NAA15: variants seen among roughly 807,000 people sequenced by gnomAD.
The protein encoded by NAA15 is N-alpha-acetyltransferase 15, NatA auxiliary subunit, also known as N-terminal acetyltransferase.
Under a neutral mutation model 114.0 loss-of-function variants are expected in NAA15, and 34 were observed. That is an observed-to-expected ratio of 0.30 (90% CI 0.23 to 0.40). The LOEUF is 0.40. NAA15 is among the 10% of genes least tolerant of loss of function. The pLI, the probability that NAA15 is intolerant of heterozygous loss-of-function variation, is 1.00. For synonymous variants in NAA15, 340 were observed against 338.0 expected (o/e 1.01, Z -0.06); for missense variants, 658 against 1,004.5 (o/e 0.66, Z 4.66).
At chr4:139,339,160 A>T (rs1747297336) in intron 3 of NAA15, among the ~76,000 whole-genome samples, 1 of 152,156 alleles carries the variant, frequency 6.6e-6, no homozygotes, top group Non-Finnish European at 1.5e-5. Context: ...AAGTTTCTGG[A>T]AAGGGAAGTG....
At chr4:139,376,252 C>T (rs912624906) in intron 15 of NAA15, 113 bp from the exon 16 acceptor site, 1 of 645,588 alleles carries the variant, frequency 1.5e-6, no homozygotes, top group Non-Finnish European at 2.6e-6. Flanking sequence ...CAGTGTTTTT[C>T]TGGGTGACTG....
chr4:139,306,510 C>T (rs1227919552), intron 1 of NAA15, among the ~76,000 whole-genome samples: 1 of 151,916 alleles, frequency 6.6e-6, no homozygotes, highest in African/African-American at 2.4e-5. Flanking sequence ...GCTGGGATTA[C>T]AGGCATGAGC....
In NAA15 at chr4:139,384,745, A is replaced by ATT. The variant is rs532619621; in HGVS notation, c.2156-87_2156-86insTT. On this transcript the variant is annotated intron_variant, in intron 17 of 19. Coordinates refer to ENST00000296543, the MANE Select transcript of NAA15 (RefSeq NM_057175.5). ...ACTCCAGCCTGGGTGATAGAGCAAG[A>ATT]CCCTGTCTCAAACACAAACAAAAAT... 317 of 883,276 alleles carry ATT rather than the reference A, an allele frequency of 3.6e-4. 4 individuals carry two copies. The South Asian group carries it at 7.3e-3, about 20-fold the overall frequency. The allele number at this position is 883,276 out of a possible 1,614,324, so 54.7% of individuals were successfully genotyped here.
chr4:139,315,085 C>T lies in NAA15; in HGVS notation c.54+13254C>T, dbSNP rs1376886388. ...GTTTAGTTTAGTTTAGTTTTTGAGA[C>T]GGAGTCTCGCTCTTTCACCCAGGCT... On this transcript the variant is annotated intron_variant, in intron 1 of 19. Transcript: ENST00000296543. Among the ~76,000 whole-genome samples the T allele has an allele frequency of 3.7e-4, 33 of 88,106 alleles. 1 individual carries two copies. The highest frequency in any genetic ancestry group is 1.2e-3 in the African/African-American group (22 of 18,604). 57.8% of individuals were successfully genotyped at this position (88,106 alleles called of 152,430 possible). A position where few individuals can be genotyped will look rare whatever the true frequency, so the allele number is the denominator to read the frequency against.
At chr4:139,361,628 T>C (rs1748133817) in intron 13 of NAA15, 96 bp from the exon 14 acceptor site, 2 of 739,562 alleles carry the variant, frequency 2.7e-6, no homozygotes, top group African/African-American at 1.8e-5. Flanking sequence ...CTAGTTTTTT[T>C]CATGCCAAAG....
chr4:139,322,139 C>T (rs1482176912), intron 1 of NAA15, among the ~76,000 whole-genome samples: 3 of 151,922 alleles, frequency 2.0e-5, no homozygotes, highest in Non-Finnish European at 4.4e-5. Flanking sequence ...TGGCTGTGTC[C>T]CCACCCAAAT....
intron 1 of NAA15, among the ~76,000 whole-genome samples, chr4:139,307,106 G>A (rs1255326662): frequency 6.6e-6 from 1 of 152,190 alleles, no homozygotes; most frequent in Non-Finnish European, 1.5e-5. Flanking sequence ...TGATGATTAT[G>A]TTTGTGATTT....
intron 15 of NAA15, among the ~76,000 whole-genome samples, chr4:139,374,025 T>C (rs1419647965): frequency 6.6e-6 from 1 of 152,126 alleles, no homozygotes; most frequent in East Asian, 1.9e-4. Context: ...TTTCCTGTTG[T>C]ATATATACTT....
intron 3 of NAA15, among the ~76,000 whole-genome samples, chr4:139,339,285 A>G (rs1226147038): frequency 1.3e-5 from 2 of 151,962 alleles, no homozygotes; most frequent in Non-Finnish European, 2.9e-5. Context: ...ACTTGAGGCT[A>G]GGAGTTCAAG....
intron 1 of NAA15, among the ~76,000 whole-genome samples, chr4:139,328,100 C>G (rs1746862725): frequency 6.7e-6 from 1 of 149,976 alleles, no homozygotes; most frequent in Admixed American, 6.6e-5. Context: ...GTTGCTATGT[C>G]TGTCTTCTAG....
intron 15 of NAA15, among the ~76,000 whole-genome samples, chr4:139,373,053 AT>A (rs1268940770): frequency 2.0e-5 from 3 of 151,962 alleles, no homozygotes; most frequent in Admixed American, 1.3e-4. Flanking sequence ...CGCCTGGCTA[AT>A]TTATTTTTAT....
At position 139,343,016 on chromosome 4, in the gene NAA15, A is replaced by C. The variant is rs1386267635; in HGVS notation, c.537+56A>C. ...GATCCTAAGTATAACTAAAAAAATA[A>C]TGTGCATAGTCTGGCTTACTTTTAA... On this transcript the variant is annotated intron_variant, in intron 5 of 19. Coordinates refer to ENST00000296543, the MANE Select transcript of NAA15 (RefSeq NM_057175.5). The C allele has an allele frequency of 2.0e-6, 3 of 1,472,570 alleles. No homozygotes were observed. The Admixed American group carries it at 5.7e-5, about 28-fold the overall frequency. The allele number at this position is 1,472,570 out of a possible 1,614,324, so 91.2% of individuals were successfully genotyped here. A position where few individuals can be genotyped will look rare whatever the true frequency, so the allele number is the denominator to read the frequency against.
chr4:139,314,065 A>T (rs80331834), intron 1 of NAA15, among the ~76,000 whole-genome samples: 8,376 of 152,086 alleles, frequency 0.055, 342 homozygotes, highest in East Asian at 0.1. Context: ...ATGGTTAACA[A>T]ATACATAATA....
chr4:139,321,544 C>G (rs1050973580), intron 1 of NAA15, among the ~76,000 whole-genome samples: 1 of 149,182 alleles, frequency 6.7e-6, no homozygotes, highest in African/African-American at 2.5e-5. Flanking sequence ...AAATCTCTGC[C>G]CACTGCAAGC....
At position 139,351,256 on chromosome 4, in the gene NAA15, C is replaced by T. The variant is rs1198781672; in HGVS notation, c.877C>T (p.Pro293Ser). 4 of 1,609,060 alleles carry T rather than the reference C, an allele frequency of 2.5e-6. No individual in the cohort carries two copies. The highest frequency in any genetic ancestry group is 3.4e-6 in the Non-Finnish European group (4 of 1,177,148). ...GACTAAATATCCCAGGGGACTGGTGCCAAGAAGGCTGCCGTTAAACTTTTT... is the reference window on the plus strand; with the variant it reads ...GACTAAATATCCCAGGGGACTGGTGTCAAGAAGGCTGCCGTTAAACTTTTT... Reference protein sequence around the residue: ...AWTKYPRGLVPRRLPLNFLSG... With the variant: ...AWTKYPRGLVSRRLPLNFLSG... The change falls in exon 8 of 20, where the codon CCA becomes TCA. Residue 293 changes from proline (P) to serine (S), a missense_variant. Around this residue, in one of 6 missense-constraint regions of NAA15, gnomAD observed 281 missense variants for 389.1 expected, o/e 0.72. Transcript: ENST00000296543.
At chr4:139,328,052 A>G (rs1452842203) in intron 1 of NAA15, among the ~76,000 whole-genome samples, 1 of 151,644 alleles carries the variant, frequency 6.6e-6, no homozygotes, top group African/African-American at 2.4e-5. Context: ...ATATTTTTCT[A>G]CATTATCTTT....
Position 139,348,018 on chromosome 4 carries a change from G to T in NAA15, c.692-1444G>T, listed in dbSNP as rs538940836. Among the ~76,000 whole-genome samples, 28 of 139,544 alleles carry T rather than the reference G, an allele frequency of 2.0e-4. No individual in the cohort carries two copies. The South Asian group carries it at 6.3e-3, about 31-fold the overall frequency. The allele number at this position is 139,544 out of a possible 152,430, so 91.5% of individuals were successfully genotyped here. A position where few individuals can be genotyped will look rare whatever the true frequency, so the allele number is the denominator to read the frequency against. On this transcript the variant is annotated intron_variant, in intron 6 of 19. Transcript: ENST00000296543. ...CTGCAGTCCGCAGTCCGGCCTGGGC[G>T]ACAGAGCGAGACTCCGTCTCAAAAA...
intron 1 of NAA15, among the ~76,000 whole-genome samples, chr4:139,333,199 A>G (rs748930729): frequency 4.0e-4 from 61 of 152,198 alleles, no homozygotes; most frequent in Non-Finnish European, 7.2e-4. Context: ...AGCAGAATCT[A>G]CGCATGTAGA....
In NAA15 at chr4:139,357,557, T is replaced by TA; in HGVS notation, c.1257+7dup. 9 of 1,575,596 alleles carry TA rather than the reference T, an allele frequency of 5.7e-6. No individual in the cohort carries two copies. The highest frequency in any genetic ancestry group is 7.8e-6 in the Non-Finnish European group (9 of 1,153,348). On this transcript the variant is annotated splice_region_variant and intron_variant, in intron 11 of 19. Transcript: ENST00000296543. ...CTCGTGAAAGCTAAAATCTATAAGG[T>TA]AAAAATCTTTTTTTCTATTTTCTTA...
Sources: allele counts gnomAD v4.1 joint callset (sites outside exome capture counted in the v4.1 genomes callset), GRCh38; gene constraint gnomAD v4.1.1; regional missense constraint gnomAD v4.1.1; transcripts MANE v1.5; gene names NCBI Gene and HGNC (gene_info 2026-07-23, HGNC 2026-07-21).